PAPPA: variants seen among roughly 807,000 people sequenced by gnomAD.
The protein encoded by PAPPA is pappalysin-1.
A neutral mutation model predicts 164.0 loss-of-function variants in PAPPA; 60 were observed. The observed-to-expected ratio is 0.37, with a 90% CI of 0.30 to 0.45. The LOEUF is 0.45. PAPPA is among the 20% of genes least tolerant of loss of function. The pLI is 1.00. For missense variants in PAPPA, 1,782 were observed against 2,087.3 expected, an observed-to-expected ratio of 0.85 and a Z score of 2.85; for synonymous variants, 875 against 814.1, an observed-to-expected ratio of 1.07 and a Z score of -1.27.
At chr9:116,261,955 G>A (rs1415437520) in intron 7 of PAPPA, among the ~76,000 whole-genome samples, 5 of 152,060 alleles carry the variant, frequency 3.3e-5, no homozygotes, top group African/African-American at 7.2e-5. Context: ...GCTCATGCCT[G>A]TAATCCCAGC....
chr9:116,190,375 A>G (rs1844026656), intron 2 of PAPPA, among the ~76,000 whole-genome samples: 1 of 152,170 alleles, frequency 6.6e-6, no homozygotes, highest in Non-Finnish European at 1.5e-5. Context: ...TTTATGCAGC[A>G]CCTGCCAAGT....
At position 116,154,635 on chromosome 9, in the gene PAPPA, G is replaced by A; in HGVS notation, c.415+48G>A. ...GCGCTGCACCGTCCCTGCGGCCCCA[G>A]AGGCTCGCGGGTGTCTGGGCGCGGG... On this transcript the variant is annotated intron_variant, in intron 1 of 21. Transcript: ENST00000328252. The surrounding 1 kb of genome is among the most constrained non-coding windows in gnomAD (Gnocchi z 5.2). The A allele has an allele frequency of 7.8e-7, 1 of 1,280,332 alleles. No individual in the cohort carries two copies. Among genetic ancestry groups the A allele is most frequent in the Non-Finnish European group, 9.9e-7 (1 of 1,012,524 alleles). The allele number at this position is 1,280,332 out of a possible 1,614,324, so 79.3% of individuals were successfully genotyped here. A position where few individuals can be genotyped will look rare whatever the true frequency, so the allele number is the denominator to read the frequency against.
intron 3 of PAPPA, 134 bp from the exon 4 acceptor site, chr9:116,211,505 G>C (rs1844306585): frequency 1.4e-6 from 1 of 691,066 alleles, no homozygotes; most frequent in Non-Finnish European, 2.5e-6. Context: ...CAGCTCTCAG[G>C]GCAATGGAGT....
Position 116,271,492 on chromosome 9 carries a change from C to A in PAPPA, c.2953+76C>A. On this transcript the variant is annotated intron_variant, in intron 9 of 21. Coordinates refer to ENST00000328252, the MANE Select transcript of PAPPA (RefSeq NM_002581.5). The surrounding 1 kb of genome is among the most constrained non-coding windows in gnomAD (Gnocchi z 4.2). ...AATGGTTGGTCAATGATAATGCCAA[C>A]AATAGTTATGACTAAATGATGATTC... 4.0e-6 allele frequency: 4 copies of A among 1,010,704 alleles called. No homozygotes were observed. Among genetic ancestry groups the A allele is most frequent in the Non-Finnish European group, 6.3e-6 (4 of 634,058 alleles). 62.6% of individuals were successfully genotyped at this position (1,010,704 alleles called of 1,614,324 possible). A position where few individuals can be genotyped will look rare whatever the true frequency, so the allele number is the denominator to read the frequency against.
At chr9:116,391,843 C>T (rs1260277155) in intron 21 of PAPPA, among the ~76,000 whole-genome samples, 1 of 152,154 alleles carries the variant, frequency 6.6e-6, no homozygotes, top group Admixed American at 6.5e-5. Context: ...GGTAGGTTTT[C>T]TTGGGAGGCC....
intron 17 of PAPPA, among the ~76,000 whole-genome samples, chr9:116,356,325 A>G (rs1336934197): frequency 1.3e-5 from 2 of 152,056 alleles, no homozygotes; most frequent in African/African-American, 4.8e-5. Flanking sequence ...TGTGAAGGTT[A>G]AATGAGGTAA....
At chr9:116,176,425 T>G (rs1843835560) in intron 1 of PAPPA, among the ~76,000 whole-genome samples, 1 of 152,238 alleles carries the variant, frequency 6.6e-6, no homozygotes, top group Non-Finnish European at 1.5e-5. Context: ...TAGAAGAGTG[T>G]TCCAATAATG....
chr9:116,198,597 AAC>A (rs1319965732), intron 2 of PAPPA, among the ~76,000 whole-genome samples: 1 of 152,218 alleles, frequency 6.6e-6, no homozygotes, highest in Admixed American at 6.5e-5. Context: ...GTGCTGAGCG[AAC>A]ACAGAGAATG....
At chr9:116,287,796 T>G (rs764309994) in intron 9 of PAPPA, among the ~76,000 whole-genome samples, 1 of 152,184 alleles carries the variant, frequency 6.6e-6, no homozygotes, top group African/African-American at 2.4e-5. Context: ...TCCTACCACA[T>G]CAGTGGCCCA....
chr9:116,392,333 A>C (rs1417154185), intron 21 of PAPPA, among the ~76,000 whole-genome samples: 3 of 152,204 alleles, frequency 2.0e-5, no homozygotes, highest in Non-Finnish European at 4.4e-5. Context: ...GGAATCCTGC[A>C]TCACCAACTC....
intron 21 of PAPPA, among the ~76,000 whole-genome samples, chr9:116,385,594 C>T (rs1261423227): frequency 1.3e-5 from 2 of 152,196 alleles, no homozygotes; most frequent in African/African-American, 4.8e-5. Context: ...ACTAAGGAAC[C>T]CCAGAACCAG....
At chr9:116,296,537 C>G (rs1031529507) in intron 9 of PAPPA, among the ~76,000 whole-genome samples, 5 of 152,038 alleles carry the variant, frequency 3.3e-5, no homozygotes, top group African/African-American at 1.2e-4. Context: ...CACAGACAGA[C>G]AGTGAGGAAA....
At chr9:116,219,247 T>C (rs1844412935) in intron 4 of PAPPA, among the ~76,000 whole-genome samples, 2 of 152,238 alleles carry the variant, frequency 1.3e-5, no homozygotes, top group Admixed American at 6.5e-5. Context: ...CAGACTTTAG[T>C]AGCCTTGTAA....
intron 20 of PAPPA, among the ~76,000 whole-genome samples, chr9:116,382,166 G>GA (rs1253066630): frequency 6.6e-6 from 1 of 152,008 alleles, no homozygotes; most frequent in Non-Finnish European, 1.5e-5. Flanking sequence ...ACTCTAGTTG[G>GA]AAAAAACTGG....
chr9:116,287,709 C>T (rs1375517655), intron 9 of PAPPA: 1 of 152,212 alleles, frequency 6.6e-6, no homozygotes, highest in Non-Finnish European at 1.5e-5. Flanking sequence ...TTCTTTTCTT[C>T]AGGTTAAGCA....
chr9:116,331,412 C>T (rs1845989743), intron 11 of PAPPA, 55 bp downstream of exon 11: 1 of 1,041,128 alleles, frequency 9.6e-7, no homozygotes, highest in African/African-American at 1.6e-5. Context: ...ACAGAAAACA[C>T]TGACTCCCAT....
chr9:116,352,882 T>A lies in PAPPA; in HGVS notation c.4141T>A (p.Tyr1381Asn). 1 of 1,614,064 alleles carries A rather than the reference T, an allele frequency of 6.2e-7. No homozygotes were observed. Among genetic ancestry groups the A allele is most frequent in the South Asian group, 1.1e-5 (1 of 91,060 alleles). ...CTGCAAATACAAATGCAAGCCTGGATACCATGTGCCTGGATCCTCTCGGAA... is the reference window on the plus strand; with the variant it reads ...CTGCAAATACAAATGCAAGCCTGGAAACCATGTGCCTGGATCCTCTCGGAA... Reference protein sequence around the residue: ...SFCKYKCKPGYHVPGSSRKSK... With the variant: ...SFCKYKCKPGNHVPGSSRKSK... Residue 1381 changes from tyrosine (Y) to asparagine (N), a missense_variant, in exon 16 of 22, where the codon TAC (tyrosine) becomes AAC (asparagine). Coordinates refer to ENST00000328252, the MANE Select transcript of PAPPA (RefSeq NM_002581.5).
chr9:116,188,837 T>C (rs896882887), intron 2 of PAPPA, among the ~76,000 whole-genome samples: 2 of 152,192 alleles, frequency 1.3e-5, no homozygotes, highest in Non-Finnish European at 2.9e-5. Context: ...TAGAAGCTGT[T>C]TCTTCATCTG....
At position 116,401,854 on chromosome 9, in the gene PAPPA, G is replaced by GA. The variant is rs57523032; in HGVS notation, c.*5249dup. 11,328 of 139,236 alleles carry GA rather than the reference G, an allele frequency of 0.081. 643 individuals carry two copies. The highest frequency in any genetic ancestry group is 0.24 in the East Asian group (1,182 of 4,922). 8.6% of individuals were successfully genotyped at this position (139,236 alleles called of 1,614,324 possible). ...AATTCTTCTGGCCTATTGTAAAAAA[G>GA]AAAAAAAAAAAGAAAAAGAAGAAAG... On this transcript the variant is annotated 3_prime_UTR_variant, in exon 22 of 22. Coordinates refer to ENST00000328252, the MANE Select transcript of PAPPA (RefSeq NM_002581.5).
Sources: gnomAD v4.1 joint callset for allele counts (sites outside exome capture counted in the v4.1 genomes callset) on GRCh38, gnomAD v4.1.1 for gene constraint, Gnocchi (gnomAD v3.1) non-coding constraint, MANE v1.5 for transcripts, NCBI Gene and HGNC (gene_info 2026-07-23, HGNC 2026-07-21) for gene names.